The following BRSK1 variants were observed in gnomAD, a reference collection of about 807,000 sequenced individuals.
The protein encoded by BRSK1 is BR serine/threonine kinase 1.
Under a neutral mutation model 86.2 loss-of-function variants are expected in BRSK1, and 17 were observed. The observed-to-expected ratio is 0.20, with a 90% confidence interval of 0.14 to 0.30. BRSK1 has a LOEUF of 0.30. BRSK1 is among the 10% of genes least tolerant of loss of function. BRSK1 has a pLI of 1.00. For synonymous variants in BRSK1, 464 were observed against 440.1 expected (o/e 1.05, Z -0.68); for missense variants, 719 against 1,071.9 (o/e 0.67, Z 4.60).
intron 3 of BRSK1, among the ~76,000 whole-genome samples, chr19:55,288,560 A>T (rs1208490860): frequency 6.6e-6 from 1 of 150,546 alleles, no homozygotes; most frequent in East Asian, 2.0e-4. Flanking sequence ...CCAGAGGCTT[A>T]TGGGAAGGGA....
Position 55,287,104 on chromosome 19 carries a change from G to C in BRSK1, c.231+3G>C, listed in dbSNP as rs753338237. ...TGTCGGAGTCGGTGCTGATGAAGGT[G>C]TGTGCGCCTGCTGCAGTGTGCCTGC... On this transcript the variant is annotated splice_donor_region_variant and intron_variant, in intron 2 of 18. Coordinates refer to ENST00000309383, the MANE Select transcript of BRSK1 (RefSeq NM_032430.2). This position sits in a 1 kb window ranked among gnomAD's most constrained non-coding sequence, Gnocchi z 5.3. 5 of 1,613,128 alleles carry C rather than the reference G, an allele frequency of 3.1e-6. No homozygotes were observed. The South Asian group carries it at 5.5e-5, about 18-fold the overall frequency.
At position 55,306,227 on chromosome 19, in the gene BRSK1, C is replaced by G. The variant is rs1442578976; in HGVS notation, c.1891-25C>G. ...GGGTATCCATTTCCTGGGCTCACCC[C>G]TTCCTGTGTTCCTACCTCGCTCAGA... On this transcript the variant is annotated intron_variant, in intron 16 of 18. Transcript: ENST00000309383. This position sits in a 1 kb window ranked among gnomAD's most constrained non-coding sequence, Gnocchi z 4.7. 6.2e-7 allele frequency: 1 copy of G among 1,612,170 alleles called. No homozygotes were observed. Among genetic ancestry groups the G allele is most frequent in the Admixed American group, 1.7e-5 (1 of 59,992 alleles).
chr19:55,304,233 G>A lies in BRSK1; in HGVS notation c.1347+123G>A, dbSNP rs2088613560. Reference sequence around the variant, plus strand: ...AGACTTGCTTCTTTGTCCCTGGAGGGCCAAAGACCCAAGGCCTCCAAAGTA... The same window carrying A: ...AGACTTGCTTCTTTGTCCCTGGAGGACCAAAGACCCAAGGCCTCCAAAGTA... On this transcript the variant is annotated intron_variant, in intron 13 of 18. Coordinates refer to ENST00000309383, the MANE Select transcript of BRSK1 (RefSeq NM_032430.2). This position sits in a 1 kb window ranked among gnomAD's most constrained non-coding sequence, Gnocchi z 5.2. 1.9e-6 allele frequency: 2 copies of A among 1,065,168 alleles called. No individual in the cohort carries two copies. The highest frequency in any genetic ancestry group is 1.3e-6 in the Non-Finnish European group (1 of 748,140). 66.0% of individuals were successfully genotyped at this position (1,065,168 alleles called of 1,614,324 possible).
chr19:55,301,900 A>T (rs965965780), intron 8 of BRSK1, among the ~76,000 whole-genome samples: 1 of 152,222 alleles, frequency 6.6e-6, no homozygotes, highest in African/African-American at 2.4e-5. Flanking sequence ...GGAGGCGAAC[A>T]GGATGCCACT....
chr19:55,305,688 G>A, intron 16 of BRSK1, 102 bp downstream of exon 16: 1 of 1,531,532 alleles, frequency 6.5e-7, no homozygotes, highest in Non-Finnish European at 8.8e-7. Context: ...TTCCTCCTGG[G>A]GCTCATGGGA....
intron 17 of BRSK1, among the ~76,000 whole-genome samples, chr19:55,307,894 C>T (rs572166210): frequency 2.5e-4 from 38 of 151,102 alleles, no homozygotes; most frequent in African/African-American, 9.2e-4. Context: ...GTTGAGGCTG[C>T]AGTGAGCCGT....
rs1037991554 is a variant in BRSK1, at chr19:55,312,119, C to T, written c.*51C>T. The T allele has an allele frequency of 6.4e-6, 5 of 778,134 alleles. No individual in the cohort carries two copies. In the South Asian group the frequency reaches 7.9e-5, roughly 12 times the overall value. 48.2% of individuals were successfully genotyped at this position (778,134 alleles called of 1,614,324 possible). Reference sequence around the variant, plus strand: ...ACCCCCCTCCACCCCCCTTCCGTGCCCCCCAACTGTGAATCTGTAAATAAG... The same window carrying T: ...ACCCCCCTCCACCCCCCTTCCGTGCTCCCCAACTGTGAATCTGTAAATAAG... On this transcript the variant is annotated 3_prime_UTR_variant, in exon 19 of 19. Transcript: ENST00000309383.
In BRSK1 at chr19:55,303,598, G is replaced by C; in HGVS notation, c.1127-69G>C. ...CTAGGCCTGTTTCCCCATGTGTGCA[G>C]TTTCTGAGGCAGTTGTACACAGCTG... On this transcript the variant is annotated intron_variant, in intron 11 of 18. Transcript: ENST00000309383. The surrounding 1 kb of genome is among the most constrained non-coding windows in gnomAD (Gnocchi z 5.1). 6.5e-7 allele frequency: 1 copy of C among 1,548,092 alleles called. No homozygotes were observed. Among genetic ancestry groups the C allele is most frequent in the South Asian group, 1.2e-5 (1 of 81,440 alleles).
At chr19:55,308,468 G>A (rs2088699380) in intron 17 of BRSK1, among the ~76,000 whole-genome samples, 171 bp from the exon 18 acceptor site, 1 of 133,574 alleles carries the variant, frequency 7.5e-6, no homozygotes, top group Admixed American at 7.1e-5. Context: ...TTAAATAGCA[G>A]CACAGACCCA....
At chr19:55,311,594 T>C (rs1173642759) in intron 18 of BRSK1, among the ~76,000 whole-genome samples, 1 of 152,138 alleles carries the variant, frequency 6.6e-6, no homozygotes. Flanking sequence ...TAGCGAACAG[T>C]ATCATAACCA....
chr19:55,305,735 T>A, intron 16 of BRSK1, 149 bp downstream of exon 16: 1 of 1,267,022 alleles, frequency 7.9e-7, no homozygotes, highest in Non-Finnish European at 1.1e-6. Flanking sequence ...TAGAAGTCGG[T>A]AGGCAGGAAA....
chr19:55,301,745 G>A (rs944627819), intron 8 of BRSK1, 87 bp downstream of exon 8: 1 of 1,460,328 alleles, frequency 6.8e-7, no homozygotes, highest in South Asian at 1.3e-5. Flanking sequence ...TGGGTTTCCA[G>A]AACCTGCTCG....
Position 55,303,716 on chromosome 19 carries a change from G to A in BRSK1, c.1176G>A (p.Lys392=), listed in dbSNP as rs777923423. 6.2e-7 allele frequency: 1 copy of A among 1,613,530 alleles called. No individual in the cohort carries two copies. Among genetic ancestry groups the A allele is most frequent in the Non-Finnish European group, 8.5e-7 (1 of 1,179,776 alleles). ...CTCCCATGCTGAGCCGTCACGGGAA[G>A]CGGCGACCAGAGCGGAAGTCCATGG... ...VDSPMLSRHG[K]RRPERKSMEV... The change falls in exon 12 of 19, where the codon AAG becomes AAA. Residue 392 remains lysine, a synonymous_variant. Coordinates refer to ENST00000309383, the MANE Select transcript of BRSK1 (RefSeq NM_032430.2). The surrounding 1 kb of genome is among the most constrained non-coding windows in gnomAD (Gnocchi z 5.1).
intron 7 of BRSK1, among the ~76,000 whole-genome samples, chr19:55,296,598 G>A (rs2088490695): frequency 6.6e-6 from 1 of 152,150 alleles, no homozygotes; most frequent in East Asian, 1.9e-4. Context: ...TGTAATCACA[G>A]CACTTTGGGA....
chr19:55,301,496 G>A lies in BRSK1; in HGVS notation c.679-16G>A. On this transcript the variant is annotated splice_polypyrimidine_tract_variant and intron_variant, in intron 7 of 18. Transcript: ENST00000309383. The stretch of plus-strand genomic sequence containing the variant: ...TGAAATGTGCTAATGAGGGGTCCTG[G>A]TTATCTCTTGCCCAGGGGGCTCTGC... 1 of 1,612,610 alleles carries A rather than the reference G, an allele frequency of 6.2e-7. No homozygotes were observed. The highest frequency in any genetic ancestry group is 8.5e-7 in the Non-Finnish European group (1 of 1,179,536).
chr19:55,289,754 C>G (rs2088376675), intron 4 of BRSK1, 134 bp downstream of exon 4: 7 of 1,183,222 alleles, frequency 5.9e-6, no homozygotes, highest in Non-Finnish European at 8.1e-6. Context: ...ATAACTCATA[C>G]ACCAGAAAAT....
intron 1 of BRSK1, among the ~76,000 whole-genome samples, chr19:55,286,183 G>GA (rs1301134516): frequency 1.4e-5 from 2 of 146,632 alleles, no homozygotes; most frequent in Admixed American, 6.8e-5. Context: ...TCTGAGGGAG[G>GA]AGGGGCTGGG....
rs993687666 is a variant in BRSK1, at chr19:55,312,161, G to A, written c.*93G>A. The stretch of plus-strand genomic sequence containing the variant: ...GTAAATAAGGCCCAAGGAACATGTC[G>A]GGAGGGGGGTGGACACAAAAACCGG... On this transcript the variant is annotated 3_prime_UTR_variant, in exon 19 of 19. Coordinates refer to ENST00000309383, the MANE Select transcript of BRSK1 (RefSeq NM_032430.2). The A allele has an allele frequency of 2.5e-5, 15 of 597,976 alleles. No individual in the cohort carries two copies. The highest frequency in any genetic ancestry group is 4.5e-4 in the Middle Eastern group (1 of 2,198). The allele number at this position is 597,976 out of a possible 1,614,324, so 37.0% of individuals were successfully genotyped here.
intron 17 of BRSK1, 99 bp from the exon 18 acceptor site, chr19:55,308,540 T>G (rs1368141853): frequency 6.7e-6 from 5 of 751,168 alleles, no homozygotes; most frequent in Non-Finnish European, 9.4e-6. Context: ...GCAGGGGGGG[T>G]GTTGTGTGCT....
Sources: gnomAD v4.1 joint callset for allele counts (sites outside exome capture counted in the v4.1 genomes callset) on GRCh38, gnomAD v4.1.1 for gene constraint, Gnocchi (gnomAD v3.1) non-coding constraint, MANE v1.5 for transcripts, NCBI Gene and HGNC (gene_info 2026-07-23, HGNC 2026-07-21) for gene names.